ZNF804A: variants seen among roughly 807,000 people sequenced by gnomAD.
The protein encoded by ZNF804A is zinc finger protein 804A.
In ZNF804A, 2 loss-of-function variants were observed where a neutral mutation model predicts 16.5. The observed-to-expected ratio is 0.12, with a 90% CI of 0.05 to 0.38. The LOEUF is 0.38. Ranked by LOEUF, ZNF804A falls within the 10% of genes least tolerant of loss-of-function variation. The pLI is 0.99. For missense variants in ZNF804A, 1,473 were observed against 1,390.7 expected, an observed-to-expected ratio of 1.06 and a Z score of -0.94; for synonymous variants, 534 against 489.6, an observed-to-expected ratio of 1.09 and a Z score of -1.20.
chr2:184,617,334 A>G (rs149256581), intron 1 of ZNF804A, among the ~76,000 whole-genome samples: 2,440 of 152,176 alleles, frequency 0.016, 33 homozygotes, highest in South Asian at 0.043. Flanking sequence ...ATGCATTCAT[A>G]GTATTCAATA....
rs150665060 is a variant in ZNF804A, at chr2:184,938,535, G to A, written c.3139G>A (p.Val1047Ile). 1.9e-4 allele frequency: 301 copies of A among 1,614,058 alleles called. No homozygotes were observed. In the African/African-American group the frequency reaches 3.4e-3, roughly 18 times the overall value. ...AGAAAACCATGACAAATTCAAAAAT[G>A]TACCATGTGAGGTCTACCAGCACAT... ...PLENHDKFKN[V>I]PCEVYQHILQ... Residue 1047 changes from valine (V) to isoleucine (I), a missense_variant, in exon 4 of 4, where the codon GTA becomes ATA. Coordinates refer to ENST00000302277, the MANE Select transcript of ZNF804A (RefSeq NM_194250.2).
intron 1 of ZNF804A, among the ~76,000 whole-genome samples, chr2:184,726,992 C>T (rs892075257): frequency 5.9e-5 from 9 of 151,484 alleles, no homozygotes; most frequent in African/African-American, 2.2e-4. Context: ...TGAGGAGTTA[C>T]GTGGAATTGG....
At position 184,846,960 on chromosome 2, in the gene ZNF804A, G is replaced by A. The variant is rs114798080; in HGVS notation, c.112-19409G>A. On this transcript the variant is annotated intron_variant, in intron 1 of 3. Coordinates refer to ENST00000302277, the MANE Select transcript of ZNF804A (RefSeq NM_194250.2). ...CTTCTTGTACATGAACAGATTCTAA[G>A]GTTAGAAACCATGCTGTTGGTCCAA... 1.2e-3 allele frequency among the ~76,000 whole-genome samples: 188 copies of A among 152,132 alleles called. 2 individuals are homozygous for A. Among genetic ancestry groups the A allele is most frequent in the African/African-American group, 4.1e-3 (169 of 41,514 alleles).
chr2:184,627,601 T>C (rs1249207799), intron 1 of ZNF804A, among the ~76,000 whole-genome samples: 1 of 152,204 alleles, frequency 6.6e-6, no homozygotes, highest in Non-Finnish European at 1.5e-5. Context: ...ATTTGTTGAA[T>C]AATAAGTGTA....
intron 1 of ZNF804A, among the ~76,000 whole-genome samples, chr2:184,754,822 T>C (rs1369725187): frequency 1.3e-5 from 2 of 151,890 alleles, no homozygotes; most frequent in Admixed American, 6.6e-5. Context: ...AAAAGTATTC[T>C]AGAAATAGTC....
chr2:184,847,949 T>C (rs1695545101), intron 1 of ZNF804A, among the ~76,000 whole-genome samples: 1 of 152,092 alleles, frequency 6.6e-6, no homozygotes, highest in Non-Finnish European at 1.5e-5. Context: ...TTGTGGAGCT[T>C]CCTTGCCCTC....
chr2:184,876,841 A>G (rs758899339), intron 2 of ZNF804A, among the ~76,000 whole-genome samples: 4 of 152,104 alleles, frequency 2.6e-5, no homozygotes, highest in Admixed American at 2.0e-4. Context: ...AAAACTGTAA[A>G]CAAAGATTTC....
At chr2:184,854,643 A>AGTATGATGTTGGAAT (rs1695659879) in intron 1 of ZNF804A, among the ~76,000 whole-genome samples, 1 of 152,052 alleles carries the variant, frequency 6.6e-6, no homozygotes, top group Non-Finnish European at 1.5e-5. Context: ...CTTACAGAAG[A>AGTATGATGTTGGAAT]GTATGATGTT....
chr2:184,866,511 A>G lies in ZNF804A; in HGVS notation c.254A>G (p.Gln85Arg), dbSNP rs1238897771. Residue 85 changes from glutamine to arginine, a missense_variant and splice_region_variant, in exon 2 of 4, where the codon CAG becomes CGG. By Grantham distance (43) the Gln-to-Arg change is conservative. Coordinates refer to ENST00000302277, the MANE Select transcript of ZNF804A (RefSeq NM_194250.2). The stretch of plus-strand genomic sequence containing the variant: ...AATTCATATGACCATGCTCACAAGC[A>G]GGTAAGAAAGAGATGTGAAAAAATT... Reference protein sequence around the residue: ...HINSYDHAHKQRLKELKQREF... With the variant: ...HINSYDHAHKRRLKELKQREF... 6.2e-7 allele frequency: 1 copy of G among 1,601,598 alleles called. No homozygotes were observed. The highest frequency in any genetic ancestry group is 1.8e-5 in the Admixed American group (1 of 56,950).
intron 1 of ZNF804A, among the ~76,000 whole-genome samples, chr2:184,601,512 A>C (rs1024133638): frequency 5.3e-5 from 8 of 151,936 alleles, no homozygotes. Flanking sequence ...TTCAAGTAAG[A>C]ATTTATGCTT....
chr2:184,631,706 T>C (rs563950905), intron 1 of ZNF804A, among the ~76,000 whole-genome samples: 1 of 152,328 alleles, frequency 6.6e-6, no homozygotes, highest in African/African-American at 2.4e-5. Context: ...ACAATCTCTT[T>C]GTTATGTTGA....
chr2:184,880,331 T>A (rs564207632), intron 2 of ZNF804A, among the ~76,000 whole-genome samples: 150 of 152,166 alleles, frequency 9.9e-4, no homozygotes, highest in African/African-American at 3.6e-3. Context: ...GCAGCTTAGC[T>A]TTTTTTATTA....
chr2:184,678,837 GGGGGATCTCA>G (rs1559124322), intron 1 of ZNF804A, among the ~76,000 whole-genome samples: 1 of 152,142 alleles, frequency 6.6e-6, no homozygotes, highest in Non-Finnish European at 1.5e-5. Context: ...AAACAGTTGA[GGGGGATCTCA>G]GTGATATTCA....
At chr2:184,762,614 A>G (rs1018523553) in intron 1 of ZNF804A, among the ~76,000 whole-genome samples, 3 of 152,038 alleles carry the variant, frequency 2.0e-5, no homozygotes, top group Non-Finnish European at 4.4e-5. Context: ...ATAAATGGTT[A>G]TTAACATTAA....
intron 1 of ZNF804A, among the ~76,000 whole-genome samples, chr2:184,617,763 C>T (rs1426385441): frequency 6.6e-6 from 1 of 151,484 alleles, no homozygotes; most frequent in East Asian, 1.9e-4. Context: ...TTAATCTTCT[C>T]TAAATCATAT....
At chr2:184,763,902 A>G (rs1253886679) in intron 1 of ZNF804A, among the ~76,000 whole-genome samples, 1 of 151,894 alleles carries the variant, frequency 6.6e-6, no homozygotes, top group Non-Finnish European at 1.5e-5. Flanking sequence ...TCAGCCTCCC[A>G]AAGTGCTGGG....
At chr2:184,605,679 G>A (rs974379374) in intron 1 of ZNF804A, among the ~76,000 whole-genome samples, 4 of 152,062 alleles carry the variant, frequency 2.6e-5, no homozygotes, top group Non-Finnish European at 2.9e-5. Flanking sequence ...GGGAGGATGT[G>A]TATAGACTAT....
intron 2 of ZNF804A, among the ~76,000 whole-genome samples, chr2:184,892,012 A>T (rs1684991080): frequency 1.3e-5 from 2 of 152,190 alleles, no homozygotes; most frequent in African/African-American, 4.8e-5. Flanking sequence ...TTACAAGGAG[A>T]AAAACAAAAG....
chr2:184,753,260 T>TG (rs1194888838), intron 1 of ZNF804A, among the ~76,000 whole-genome samples: 2 of 151,566 alleles, frequency 1.3e-5, no homozygotes, highest in East Asian at 1.9e-4. Context: ...AAAATGAGGC[T>TG]GGGGGGCGTT....
Sources: allele counts gnomAD v4.1 joint callset (sites outside exome capture counted in the v4.1 genomes callset), GRCh38; gene constraint gnomAD v4.1.1; transcripts MANE v1.5; gene names NCBI Gene and HGNC (gene_info 2026-07-23, HGNC 2026-07-21).